Variants in PCDHA6 observed in about 807,000 individuals in gnomAD.
The protein encoded by PCDHA6 is protocadherin alpha 6, also known as protocadherin alpha-6.
PCDHA6 carries 55 observed loss-of-function variants against 60.3 expected under a neutral mutation model. The observed-to-expected ratio is 0.91, with a 90% CI of 0.73 to 1.14. The LOEUF (loss-of-function observed/expected upper bound fraction) is 1.14, where lower values mean the gene tolerates loss of function less well. PCDHA6 is among the 50% of genes most tolerant of loss of function. The probability of loss-of-function intolerance (pLI) is 0.00; values close to 1 mark genes in which losing one functional copy is unlikely to be tolerated. For missense variants in PCDHA6, 1,327 were observed against 1,256.5 expected (o/e 1.06, Z -0.85); for synonymous variants, 652 against 557.9 (o/e 1.17, Z -2.38).
At chr5:140,840,473 G>T (rs1487904967) in intron 1 of PCDHA6, among the ~76,000 whole-genome samples, 1 of 151,942 alleles carries the variant, frequency 6.6e-6, no homozygotes, top group African/African-American at 2.4e-5. Flanking sequence ...GGGGAAAAAA[G>T]TTTAAAGGCA....
At chr5:140,962,358 T>C (rs1167082870) in intron 1 of PCDHA6, among the ~76,000 whole-genome samples, 4 of 152,230 alleles carry the variant, frequency 2.6e-5, no homozygotes, top group Non-Finnish European at 5.9e-5. Context: ...CCCCCAATAC[T>C]GGCTAGTTTG....
intron 1 of PCDHA6, among the ~76,000 whole-genome samples, chr5:140,914,983 G>C (rs2076933598): frequency 7.2e-6 from 1 of 139,166 alleles, no homozygotes; most frequent in Non-Finnish European, 1.5e-5. Context: ...GTCTTGCTCT[G>C]CTACCAGGCT....
intron 1 of PCDHA6, among the ~76,000 whole-genome samples, chr5:140,898,580 T>G (rs541428438): frequency 2.9e-4 from 44 of 152,370 alleles, no homozygotes; most frequent in African/African-American, 1.0e-3. Flanking sequence ...CCATGCTGTT[T>G]TGGTTACTGT....
At chr5:140,892,242 C>A (rs1554185127) in intron 1 of PCDHA6, among the ~76,000 whole-genome samples, 3 of 152,034 alleles carry the variant, frequency 2.0e-5, no homozygotes, top group Non-Finnish European at 4.4e-5. Context: ...TCCACATAAA[C>A]CTGGTTATCT....
At chr5:140,967,219 C>G in intron 1 of PCDHA6, 1 of 1,613,772 alleles carries the variant, frequency 6.2e-7, no homozygotes, top group Non-Finnish European at 8.5e-7. Flanking sequence ...TCCCGCGGCC[C>G]AACTACCAGC....
intron 1 of PCDHA6, among the ~76,000 whole-genome samples, chr5:140,919,556 A>G (rs980403400): frequency 5.9e-5 from 9 of 152,186 alleles, no homozygotes; most frequent in African/African-American, 2.2e-4. Context: ...ACTGATTTAT[A>G]TTAAGTGAAT....
chr5:140,857,273 G>A, intron 1 of PCDHA6: 3 of 1,598,730 alleles, frequency 1.9e-6, no homozygotes, highest in Middle Eastern at 1.7e-4. Context: ...ATTGGTGCTG[G>A]ACAGCGCTCT....
intron 1 of PCDHA6, chr5:140,882,281 T>C (rs1554173360): frequency 6.2e-7 from 1 of 1,612,634 alleles, no homozygotes; most frequent in African/African-American, 1.3e-5. Context: ...GCTGTCTTCC[T>C]GGCAAGGAGG....
intron 1 of PCDHA6, chr5:140,849,822 G>A: frequency 6.3e-7 from 1 of 1,598,624 alleles, no homozygotes; most frequent in East Asian, 2.2e-5. Context: ...CAGGGTGTCT[G>A]TGGAGGTGGC....
At chr5:140,868,958 T>C (rs1033698977) in intron 1 of PCDHA6, 1 of 1,397,386 alleles carries the variant, frequency 7.2e-7, no homozygotes, top group African/African-American at 1.4e-5. Context: ...GGCACTCCCA[T>C]ACAAAGGAAC....
intron 1 of PCDHA6, chr5:140,855,847 C>A: frequency 3.1e-6 from 2 of 652,288 alleles, no homozygotes; most frequent in Non-Finnish European, 2.6e-6. Context: ...CACCTAAAGC[C>A]ACCGGATGTC....
chr5:140,870,553 C>T, intron 1 of PCDHA6: 1 of 1,614,032 alleles, frequency 6.2e-7, no homozygotes, highest in East Asian at 2.2e-5. Flanking sequence ...CGCGGACGCG[C>T]AGGAGAACGC....
intron 3 of PCDHA6, among the ~76,000 whole-genome samples, chr5:141,006,406 G>T (rs553100919): frequency 6.6e-6 from 1 of 151,932 alleles, no homozygotes; most frequent in African/African-American, 2.4e-5. Flanking sequence ...GTAGAGACGC[G>T]GTTTCACTGT....
At chr5:140,877,653 C>A in intron 1 of PCDHA6, 1 of 1,613,522 alleles carries the variant, frequency 6.2e-7, no homozygotes, top group Non-Finnish European at 8.5e-7. Flanking sequence ...CAGCGCCGCC[C>A]ACCGTGAGCC....
chr5:140,965,401 A>C (rs546046699), intron 1 of PCDHA6, among the ~76,000 whole-genome samples: 1 of 152,166 alleles, frequency 6.6e-6, no homozygotes, highest in Non-Finnish European at 1.5e-5. Flanking sequence ...AAGTCTAAGG[A>C]GTCTTATATT....
chr5:141,000,639 G>T (rs1375900945), intron 3 of PCDHA6, among the ~76,000 whole-genome samples: 1 of 151,186 alleles, frequency 6.6e-6, no homozygotes, highest in Non-Finnish European at 1.5e-5. Context: ...TGTTGGGCAG[G>T]CTGGTCTCGA....
Position 140,843,361 on chromosome 5 carries a change from G to A in PCDHA6, c.2394+12876G>A, listed in dbSNP as rs2150358294. On this transcript the variant is annotated intron_variant, in intron 1 of 3. Transcript: ENST00000529310. ...GCGGCCAGGCTCCAAAAGCGTCATC[G>A]AGGCAGTCGGCTGGCGTTTTGGGTC... 3.8e-6 allele frequency: 6 copies of A among 1,596,046 alleles called. No individual in the cohort carries two copies. In the South Asian group the frequency reaches 5.5e-5, roughly 15 times the overall value.
Position 141,007,689 on chromosome 5 carries a change from A to G in PCDHA6, c.2543-1938A>G, listed in dbSNP as rs545850175. Among the ~76,000 whole-genome samples the G allele has an allele frequency of 3.5e-4, 53 of 152,196 alleles. 1 individual carries two copies. Among genetic ancestry groups the G allele is most frequent in the African/African-American group, 1.3e-3 (52 of 41,536 alleles). On this transcript the variant is annotated intron_variant, in intron 3 of 3. Coordinates refer to ENST00000529310, the MANE Select transcript of PCDHA6 (RefSeq NM_018909.4). ...CAAAGACAAAAGTTATCCTACTTCC[A>G]CCTCCCTCCTCTGCCTCCCACCACC...
rs2150185146 is a variant in PCDHA6 at position 140,830,343 on chromosome 5, C to A, written c.2252C>A (p.Ser751Ter). 1 of 1,614,058 alleles carries A rather than the reference C, an allele frequency of 6.2e-7. No homozygotes were observed. Among genetic ancestry groups the A allele is most frequent in the South Asian group, 1.1e-5 (1 of 91,078 alleles). The change falls in exon 1 of 4, where the codon TCG (serine) becomes TAG (stop). Residue 751 changes from serine to a stop codon, truncating the protein, a stop_gained. Coordinates refer to ENST00000529310, the MANE Select transcript of PCDHA6 (RefSeq NM_018909.4). LOFTEE classifies it high-confidence loss of function. ...CSSAVGSWSY[S>*]QQRRQRVCSG... ...AGCGCAGTGGGGAGCTGGTCGTACTCGCAGCAGAGGCGGCAGAGGGTGTGC... is the reference window on the plus strand; with the variant it reads ...AGCGCAGTGGGGAGCTGGTCGTACTAGCAGCAGAGGCGGCAGAGGGTGTGC...
Sources: allele counts gnomAD v4.1 joint callset (sites outside exome capture counted in the v4.1 genomes callset), GRCh38; gene constraint gnomAD v4.1.1; transcripts MANE v1.5; gene names NCBI Gene and HGNC (gene_info 2026-07-23, HGNC 2026-07-21).